The following OOSP1 variants were observed in gnomAD, a reference collection of about 807,000 sequenced individuals.
The protein encoded by OOSP1 is oocyte secreted protein 1.
OOSP1 carries 11 observed loss-of-function variants against 5.7 expected under a neutral mutation model. That is an observed-to-expected ratio of 1.94 (90% confidence interval 1.22 to 3.20). OOSP1 has a LOEUF of 3.20. Among genes scored for constraint, OOSP1 ranks in the 30% most tolerant of loss-of-function variants. The pLI, the probability that OOSP1 is intolerant of heterozygous loss-of-function variation, is 0.00. For synonymous variants in OOSP1, 44 were observed against 20.0 expected (o/e 2.20, Z -3.20); for missense variants, 83 against 54.1 (o/e 1.53, Z -1.67).
intron 3 of OOSP1, chr11:59,945,467 C>T: frequency 1.6e-6 from 1 of 611,676 alleles, no homozygotes; most frequent in Admixed American, 2.1e-5. Context: ...GCTGGCTGGG[C>T]ACGGTGGCTC....
chr11:59,950,002 G>T (rs1468472276), intron 4 of OOSP1, among the ~76,000 whole-genome samples: 2 of 152,226 alleles, frequency 1.3e-5, no homozygotes, highest in Non-Finnish European at 2.9e-5. Context: ...GACAGCCACT[G>T]ATGACAAAGA....
At chr11:59,955,013 T>C (rs986312706) in intron 4 of OOSP1, among the ~76,000 whole-genome samples, 7 of 152,074 alleles carry the variant, frequency 4.6e-5, no homozygotes, top group African/African-American at 1.4e-4. Context: ...AACATGAAAC[T>C]AAGCCTGTAT....
In OOSP1 at chr11:59,939,920, A is replaced by AT. The variant is rs1364037204; in HGVS notation, c.76+1396dup. 7.9e-5 allele frequency among the ~76,000 whole-genome samples: 12 copies of AT among 152,044 alleles called. No homozygotes were observed. The South Asian group carries it at 1.2e-3, about 16-fold the overall frequency. On this transcript the variant is annotated intron_variant, in intron 1 of 4. Coordinates refer to ENST00000646685, the Ensembl canonical transcript of OOSP1. The stretch of plus-strand genomic sequence containing the variant: ...GCTGTGAACTGCTAATTAAAAAAAA[A>AT]TTTTTTGTAGAGACTTGCTATGTTG...
intron 1 of OOSP1, among the ~76,000 whole-genome samples, chr11:59,939,582 T>C (rs899774150): frequency 7.8e-5 from 8 of 103,062 alleles, no homozygotes; most frequent in Admixed American, 7.2e-4. Context: ...TTTCTCTCCT[T>C]CTCTCTTTTT....
intron 1 of OOSP1, among the ~76,000 whole-genome samples, 161 bp downstream of exon 1, chr11:59,938,691 T>G (rs1292416625): frequency 6.6e-6 from 1 of 152,212 alleles, no homozygotes; most frequent in African/African-American, 2.4e-5. Context: ...TACCATGTTT[T>G]TCTCTTGCAT....
chr11:59,951,904 A>G (rs1853944492), intron 4 of OOSP1, among the ~76,000 whole-genome samples: 1 of 151,486 alleles, frequency 6.6e-6, no homozygotes, highest in Non-Finnish European at 1.5e-5. Flanking sequence ...AAAATTCATC[A>G]GCCTGATTAG....
chr11:59,952,568 A>C (rs1853951007), intron 4 of OOSP1, among the ~76,000 whole-genome samples: 1 of 152,198 alleles, frequency 6.6e-6, no homozygotes, highest in Non-Finnish European at 1.5e-5. Flanking sequence ...CTCACTTATA[A>C]GTGGGAGCCA....
chr11:59,947,209 C>T (rs1853893637), intron 3 of OOSP1, among the ~76,000 whole-genome samples: 1 of 152,058 alleles, frequency 6.6e-6, no homozygotes, highest in South Asian at 2.1e-4. Context: ...ATTTATTAAT[C>T]ACTTACCATA....
intron 3 of OOSP1, among the ~76,000 whole-genome samples, chr11:59,945,586 CAA>C (rs530206371): frequency 7.3e-6 from 1 of 136,158 alleles, no homozygotes; most frequent in African/African-American, 2.7e-5. Flanking sequence ...CTAAAAATAC[CAA>C]AAAAAAAAAA....
At chr11:59,954,822 G>C (rs1387590965) in intron 4 of OOSP1, among the ~76,000 whole-genome samples, 1 of 152,030 alleles carries the variant, frequency 6.6e-6, no homozygotes, top group Non-Finnish European at 1.5e-5. Context: ...AATTATCTGA[G>C]TATACCTCTA....
intron 2 of OOSP1, among the ~76,000 whole-genome samples, chr11:59,944,893 T>A (rs1392549299): frequency 6.6e-6 from 1 of 152,216 alleles, no homozygotes; most frequent in East Asian, 1.9e-4. Context: ...AAAAGAGGTG[T>A]CAATTGCTTT....
rs147569005 is a variant in OOSP1, at chr11:59,940,111, G to A, written c.76+1581G>A. Among the ~76,000 whole-genome samples the A allele has an allele frequency of 1.2e-3, 177 of 152,280 alleles. 1 individual carries two copies. In the East Asian group the frequency reaches 0.021, roughly 18 times the overall value. On this transcript the variant is annotated intron_variant, in intron 1 of 4. Transcript: ENST00000646685. ...GTTGTGTATACTTGTCAAGCTACCC[G>A]TTCAACAAGACAACCTAGACCTGAC...
intron 1 of OOSP1, among the ~76,000 whole-genome samples, chr11:59,939,063 C>A (rs1184639091): frequency 5.9e-5 from 9 of 152,172 alleles, no homozygotes; most frequent in Non-Finnish European, 1.3e-4. Context: ...CTGTTCGGAG[C>A]AAACCAGAAT....
At chr11:59,951,443 C>T (rs1853938703) in intron 4 of OOSP1, among the ~76,000 whole-genome samples, 1 of 152,060 alleles carries the variant, frequency 6.6e-6, no homozygotes, top group African/African-American at 2.4e-5. Flanking sequence ...AGAAGGTGTG[C>T]ATATACAGCG....
chr11:59,950,887 A>G (rs371270980), intron 4 of OOSP1, among the ~76,000 whole-genome samples: 19 of 151,792 alleles, frequency 1.3e-4, no homozygotes, highest in African/African-American at 4.6e-4. Flanking sequence ...GCACATGGTA[A>G]TAGTTTTTTT....
chr11:59,957,337 C>A, exon 5 of OOSP1: 1 of 396,640 alleles, frequency 2.5e-6, no homozygotes, highest in South Asian at 1.3e-4. Flanking sequence ...TTTATCCATC[C>A]AAGGTACTTG....
At chr11:59,945,478 A>T in intron 3 of OOSP1, 1 of 600,416 alleles carries the variant, frequency 1.7e-6, no homozygotes, top group Non-Finnish European at 3.1e-6. Context: ...ACGGTGGCTC[A>T]CACCTGTAAT....
intron 1 of OOSP1, among the ~76,000 whole-genome samples, chr11:59,941,917 T>C (rs1183153594): frequency 6.6e-6 from 1 of 152,204 alleles, no homozygotes; most frequent in East Asian, 1.9e-4. Context: ...TTGTGATAGG[T>C]GTGTAGTAAT....
At chr11:59,948,818 C>G (rs886158546) in intron 4 of OOSP1, 1 of 397,986 alleles carries the variant, frequency 2.5e-6, no homozygotes, top group African/African-American at 2.1e-5. Context: ...GCCATGATTG[C>G]TTAGGACTGA....
Sources: gnomAD v4.1 joint callset for allele counts (sites outside exome capture counted in the v4.1 genomes callset) on GRCh38, gnomAD v4.1.1 for gene constraint, MANE v1.5 for transcripts, NCBI Gene and HGNC (gene_info 2026-07-23, HGNC 2026-07-21) for gene names.